TTC13: variants seen among roughly 807,000 people sequenced by gnomAD.
The protein encoded by TTC13 is tetratricopeptide repeat protein 13.
In TTC13, 62 loss-of-function variants were observed where a neutral mutation model predicts 120.0. The observed-to-expected ratio is 0.52, with a 90% CI of 0.42 to 0.64. The LOEUF (loss-of-function observed/expected upper bound fraction) is 0.64. Ranked by LOEUF, TTC13 falls within the 30% of genes least tolerant of loss-of-function variation. The pLI is 0.00. For missense variants in TTC13, 824 were observed against 1,050.2 expected, an observed-to-expected ratio of 0.78 and a Z score of 2.98; for synonymous variants, 384 against 393.5, an observed-to-expected ratio of 0.98 and a Z score of 0.28.
At chr1:230,964,605 A>T (rs1207487886) in intron 1 of TTC13, among the ~76,000 whole-genome samples, 2 of 152,228 alleles carry the variant, frequency 1.3e-5, no homozygotes, top group African/African-American at 4.8e-5. Flanking sequence ...TCTATTTTCC[A>T]AATGGTTAGC....
intron 1 of TTC13, among the ~76,000 whole-genome samples, chr1:230,975,771 C>T (rs1015595634): frequency 4.6e-5 from 7 of 152,152 alleles, no homozygotes; most frequent in African/African-American, 1.7e-4. Flanking sequence ...AGACATATGG[C>T]ACCAGAGGGA....
chr1:230,936,867 G>A (rs905184722), intron 8 of TTC13, among the ~76,000 whole-genome samples: 1 of 152,154 alleles, frequency 6.6e-6, no homozygotes, highest in Admixed American at 6.5e-5. Context: ...TTTCACTACC[G>A]ACTCAGTTTT....
intron 1 of TTC13, among the ~76,000 whole-genome samples, chr1:230,965,752 G>A (rs1267020610): frequency 2.0e-5 from 3 of 152,146 alleles, no homozygotes; most frequent in African/African-American, 2.4e-5. Context: ...GCTAACTGCA[G>A]CATTGACCTC....
At chr1:230,910,678 T>G (rs1345993920) in intron 20 of TTC13, among the ~76,000 whole-genome samples, 1 of 152,238 alleles carries the variant, frequency 6.6e-6, no homozygotes, top group East Asian at 1.9e-4. Context: ...CAAGCGGTGA[T>G]GTGCACAGGC....
At chr1:230,961,410 G>C in intron 1 of TTC13, 107 bp from the exon 2 acceptor site, 2 of 781,192 alleles carry the variant, frequency 2.6e-6, no homozygotes, top group Admixed American at 2.4e-5. Context: ...ATAAGAACAG[G>C]TGTGAATAAC....
chr1:230,947,753 C>T (rs1282457433), intron 4 of TTC13, among the ~76,000 whole-genome samples: 1 of 152,128 alleles, frequency 6.6e-6, no homozygotes, highest in Admixed American at 6.5e-5. Flanking sequence ...AGCTGCTTTT[C>T]TCCTAACAGA....
At chr1:230,976,271 G>A (rs1678296171) in intron 1 of TTC13, among the ~76,000 whole-genome samples, 1 of 152,138 alleles carries the variant, frequency 6.6e-6, no homozygotes, top group African/African-American at 2.4e-5. Flanking sequence ...TTGCTCAAAT[G>A]GGTCTCCGGA....
At chr1:230,960,238 C>T (rs1676495114) in intron 2 of TTC13, among the ~76,000 whole-genome samples, 1 of 152,244 alleles carries the variant, frequency 6.6e-6, no homozygotes. Flanking sequence ...AACGAGCTTT[C>T]TCCCATAGGT....
At chr1:230,962,788 G>A (rs914529849) in intron 1 of TTC13, among the ~76,000 whole-genome samples, 3 of 152,202 alleles carry the variant, frequency 2.0e-5, no homozygotes, top group African/African-American at 7.2e-5. Flanking sequence ...ACACTGCAAC[G>A]TGGAAGAACT....
intron 1 of TTC13, among the ~76,000 whole-genome samples, chr1:230,975,747 C>CA (rs1158297659): frequency 6.6e-6 from 1 of 152,058 alleles, no homozygotes; most frequent in Admixed American, 6.5e-5. Context: ...AGGAAACATG[C>CA]AAAGCTCAAG....
At chr1:230,968,727 C>T (rs1316417667) in intron 1 of TTC13, among the ~76,000 whole-genome samples, 1 of 152,094 alleles carries the variant, frequency 6.6e-6, no homozygotes, top group African/African-American at 2.4e-5. Flanking sequence ...AGGGAAAAGA[C>T]ACAGGTTTCC....
intron 22 of TTC13, 32 bp downstream of exon 22, chr1:230,908,680 T>C (rs1671182011): frequency 2.5e-6 from 4 of 1,582,140 alleles, no homozygotes; most frequent in Admixed American, 3.4e-5. Flanking sequence ...CCAGTTATGA[T>C]ACCCTTGTGT....
chr1:230,960,365 T>A (rs147782799), intron 2 of TTC13, among the ~76,000 whole-genome samples: 88 of 152,316 alleles, frequency 5.8e-4, no homozygotes, highest in African/African-American at 2.1e-3. Flanking sequence ...GATGGGATTA[T>A]CCAACTTCTA....
rs1256685172 is a variant in TTC13 at position 230,935,709 on chromosome 1, C to T, written c.901-1848G>A. On this transcript the variant is annotated intron_variant, in intron 8 of 22. Coordinates refer to ENST00000366661, the MANE Select transcript of TTC13 (RefSeq NM_024525.5). ...GGGGGGCTTCACACAGGTGCATGACCTCAGGAAATGTACTTTTTAGAGATG... is the reference window on the plus strand; with the variant it reads ...GGGGGGCTTCACACAGGTGCATGACTTCAGGAAATGTACTTTTTAGAGATG... Among the ~76,000 whole-genome samples, 7 of 152,192 alleles carry T rather than the reference C, an allele frequency of 4.6e-5. No homozygotes were observed. In the East Asian group the frequency reaches 1.4e-3, roughly 29 times the overall value.
intron 1 of TTC13, among the ~76,000 whole-genome samples, chr1:230,970,494 G>A (rs1677624046): frequency 6.6e-6 from 1 of 152,190 alleles, no homozygotes; most frequent in Admixed American, 6.5e-5. Context: ...AGTGAACAGA[G>A]AGCTGAACTA....
In TTC13 at chr1:230,940,491, C is replaced by T; in HGVS notation, c.738G>A (p.Gln246=). ...GATGTCTGTACAGCCGTGCTGAGGG[C>T]TGCAGTTGGATAGCTTTAGTGAGGT... ...VNDLTKAIQL[Q]PSARLYRHRG... The change falls in exon 7 of 23, where the codon CAG becomes CAA. Residue 246 remains glutamine, a synonymous_variant. Coordinates refer to ENST00000366661, the MANE Select transcript of TTC13 (RefSeq NM_024525.5). The surrounding 1 kb of genome is among the most constrained non-coding windows in gnomAD (Gnocchi z 4.1). The T allele has an allele frequency of 6.2e-7, 1 of 1,613,986 alleles. No individual in the cohort carries two copies. Among genetic ancestry groups the T allele is most frequent in the Non-Finnish European group, 8.5e-7 (1 of 1,179,930 alleles).
intron 1 of TTC13, among the ~76,000 whole-genome samples, chr1:230,970,564 A>C (rs1677631462): frequency 6.6e-6 from 1 of 152,232 alleles, no homozygotes; most frequent in Non-Finnish European, 1.5e-5. Context: ...CTACCAGTCC[A>C]TCTGCGGGCA....
intron 15 of TTC13, 67 bp from the exon 16 acceptor site, chr1:230,921,571 T>C: frequency 1.3e-6 from 1 of 782,362 alleles, no homozygotes; most frequent in Non-Finnish European, 2.0e-6. Flanking sequence ...CAACATCTAA[T>C]TTCAAAGTTA....
At chr1:230,936,962 TCTAACCTCCTCAGA>T (rs72351638) in intron 8 of TTC13, among the ~76,000 whole-genome samples, 9,743 of 152,252 alleles carry the variant, frequency 0.064, 628 homozygotes, top group African/African-American at 0.17. Context: ...AAGTAACTAC[TCTAACCTCCTCAGA>T]CAGTGGATCT....
Sources: gnomAD v4.1 joint callset for allele counts (sites outside exome capture counted in the v4.1 genomes callset) on GRCh38, gnomAD v4.1.1 for gene constraint, Gnocchi (gnomAD v3.1) non-coding constraint, MANE v1.5 for transcripts, NCBI Gene and HGNC (gene_info 2026-07-23, HGNC 2026-07-21) for gene names.